Variants in VPS13B observed in about 807,000 individuals in gnomAD.
VPS13B encodes the protein vacuolar protein sorting 13 homolog B.
In VPS13B, 285 loss-of-function variants were observed where a neutral mutation model predicts 426.4. The observed-to-expected ratio is 0.67, with a 90% CI of 0.61 to 0.74. The LOEUF is 0.74. Ranked by LOEUF, VPS13B falls within the 30% of genes least tolerant of loss-of-function variation. The pLI is 0.00. For synonymous variants in VPS13B, 1,676 were observed against 1,676.4 expected (o/e 1.00, Z 0.01); for missense variants, 4,537 against 4,782.6 (o/e 0.95, Z 1.51).
chr8:99,618,428 T>C (rs761200554), intron 33 of VPS13B, among the ~76,000 whole-genome samples: 3 of 152,182 alleles, frequency 2.0e-5, no homozygotes, highest in Non-Finnish European at 4.4e-5. Flanking sequence ...TGAATCCTAG[T>C]TAATTGCATT....
rs552041740 is a variant in VPS13B, at chr8:99,233,076, C to T, written c.2515+40019C>T. The T allele has an allele frequency of 1.9e-5, 26 of 1,339,696 alleles. No individual in the cohort carries two copies. The South Asian group carries it at 2.9e-4, about 15-fold the overall frequency. The allele number at this position is 1,339,696 out of a possible 1,614,324, so 83.0% of individuals were successfully genotyped here. A position where few individuals can be genotyped will look rare whatever the true frequency, so the allele number is the denominator to read the frequency against. On this transcript the variant is annotated intron_variant, in intron 17 of 61. Coordinates refer to ENST00000357162, the MANE Select transcript of VPS13B (RefSeq NM_152564.5). Reference sequence around the variant, plus strand: ...ACTTGCTGCGCTGTGAGGCGACTCCCTGAGGGTATTTCTACTCCTGCTGCT... The same window carrying T: ...ACTTGCTGCGCTGTGAGGCGACTCCTTGAGGGTATTTCTACTCCTGCTGCT...
intron 23 of VPS13B, among the ~76,000 whole-genome samples, chr8:99,455,687 C>T (rs1403216403): frequency 6.6e-6 from 1 of 152,072 alleles, no homozygotes; most frequent in Non-Finnish European, 1.5e-5. Flanking sequence ...ATAAATTTGC[C>T]TTTTCTGGAC....
chr8:99,785,719 A>C (rs1303578099), intron 43 of VPS13B, among the ~76,000 whole-genome samples: 4 of 152,138 alleles, frequency 2.6e-5, no homozygotes, highest in Admixed American at 2.0e-4. Context: ...TATGGACTAC[A>C]AAAGTGAGAG....
At chr8:99,802,025 C>T (rs1366389545) in intron 43 of VPS13B, among the ~76,000 whole-genome samples, 1 of 151,990 alleles carries the variant, frequency 6.6e-6, no homozygotes, top group Non-Finnish European at 1.5e-5. Context: ...TGGTGCATGC[C>T]TGTAGTCCCA....
intron 22 of VPS13B, among the ~76,000 whole-genome samples, chr8:99,441,293 A>G (rs1817665239): frequency 6.6e-6 from 1 of 152,098 alleles, no homozygotes; most frequent in Admixed American, 6.6e-5. Context: ...GGAATTCCAA[A>G]CCTGTTAAAT....
chr8:99,274,322 C>T lies in VPS13B; in HGVS notation c.2640C>T (p.Ala880=), dbSNP rs768556981. Residue 880 remains alanine, a synonymous_variant, in exon 18 of 62, where the codon GCC becomes GCT. Transcript: ENST00000357162. The part of the protein sequence containing the change: ...SGTMGSIKIC[A]KAPVDSGKEK... ...CCATGGGATCAATAAAAATTTGTGC[C>T]AAAGCCCCAGGTATGTGCAGCTGGA... The T allele has an allele frequency of 1.2e-6, 2 of 1,613,984 alleles. No homozygotes were observed. Among genetic ancestry groups the T allele is most frequent in the South Asian group, 1.1e-5 (1 of 91,074 alleles).
At chr8:99,071,293 T>A (rs1189892565) in intron 3 of VPS13B, among the ~76,000 whole-genome samples, 1 of 152,220 alleles carries the variant, frequency 6.6e-6, no homozygotes, top group Non-Finnish European at 1.5e-5. Context: ...CTTTGGTTGC[T>A]GCAGCTGTAT....
chr8:99,740,762 C>A (rs1000458508), intron 39 of VPS13B, among the ~76,000 whole-genome samples: 1 of 152,124 alleles, frequency 6.6e-6, no homozygotes, highest in Non-Finnish European at 1.5e-5. Flanking sequence ...ACTATACAGA[C>A]AAGCAAATGC....
At chr8:99,680,691 T>C (rs1235294273) in intron 35 of VPS13B, among the ~76,000 whole-genome samples, 1 of 152,308 alleles carries the variant, frequency 6.6e-6, no homozygotes, top group Admixed American at 6.5e-5. Context: ...ATCAAAACTT[T>C]GAAAATAATC....
chr8:99,515,904 T>C (rs1822043029), intron 29 of VPS13B, among the ~76,000 whole-genome samples: 1 of 152,212 alleles, frequency 6.6e-6, no homozygotes, highest in Non-Finnish European at 1.5e-5. Context: ...TTTTCCTTAT[T>C]AATTAATACA....
At chr8:99,488,012 T>C (rs1445968163) in intron 25 of VPS13B, among the ~76,000 whole-genome samples, 1 of 152,172 alleles carries the variant, frequency 6.6e-6, no homozygotes, top group African/African-American at 2.4e-5. Flanking sequence ...TTAAAACTCA[T>C]GTAGTACTAG....
intron 54 of VPS13B, among the ~76,000 whole-genome samples, chr8:99,845,685 A>G (rs1478504935): frequency 6.6e-6 from 1 of 152,234 alleles, no homozygotes; most frequent in Non-Finnish European, 1.5e-5. Flanking sequence ...ACACAAGGGC[A>G]TGGATACTGG....
chr8:99,426,934 A>C (rs1430879226), intron 21 of VPS13B, among the ~76,000 whole-genome samples: 1 of 28,038 alleles, frequency 3.6e-5, no homozygotes, highest in Non-Finnish European at 6.2e-5. Flanking sequence ...CCCATTTGTC[A>C]ATTTTGGCTT....
At chr8:99,053,081 A>T (rs936519077) in intron 3 of VPS13B, among the ~76,000 whole-genome samples, 1 of 151,296 alleles carries the variant, frequency 6.6e-6, no homozygotes, top group African/African-American at 2.4e-5. Context: ...CTAGCTTTTG[A>T]ATGTGTTTGC....
chr8:99,570,625 A>G (rs964514562), intron 31 of VPS13B, among the ~76,000 whole-genome samples: 2 of 151,646 alleles, frequency 1.3e-5, no homozygotes, highest in Admixed American at 1.3e-4. Context: ...TTTTTATTGT[A>G]ATTTAGTATC....
At chr8:99,029,549 A>G (rs184887923) in intron 2 of VPS13B, among the ~76,000 whole-genome samples, 4,991 of 152,120 alleles carry the variant, frequency 0.033, 124 homozygotes, top group Non-Finnish European at 0.049. Context: ...AGGCTGGTGG[A>G]TCACTCGCGG....
In VPS13B at chr8:99,853,489, C is replaced by T; in HGVS notation, c.10100C>T (p.Thr3367Ile). 1 of 1,614,190 alleles carries T rather than the reference C, an allele frequency of 6.2e-7. No individual in the cohort carries two copies. The highest frequency in any genetic ancestry group is 8.5e-7 in the Non-Finnish European group (1 of 1,180,036). ...ATTGTTACATTTAAAATGTTCATCA[C>T]TCAGTTAAGCCTGGCAGTGTTTGAT... The part of the protein sequence containing the change: ...EKIVTFKMFI[T>I]QLSLAVFDDL... Residue 3367 changes from threonine (T) to isoleucine (I), a missense_variant, in exon 56 of 62, where the codon ACT becomes ATT. Thr to Ile is a moderately conservative substitution (Grantham distance 89, BLOSUM62 -1). Around this residue, in one of 2 missense-constraint regions of VPS13B, gnomAD observed 4,311 missense variants for 4,474.3 expected, o/e 0.96. Transcript: ENST00000357162.
At chr8:99,659,573 C>G (rs915012006) in intron 34 of VPS13B, among the ~76,000 whole-genome samples, 5 of 152,176 alleles carry the variant, frequency 3.3e-5, no homozygotes, top group Admixed American at 3.3e-4. Context: ...TACTTGGAAT[C>G]TATTTCTAGA....
intron 43 of VPS13B, among the ~76,000 whole-genome samples, chr8:99,797,632 C>T (rs1364761300): frequency 1.3e-5 from 2 of 152,120 alleles, no homozygotes; most frequent in Admixed American, 6.6e-5. Flanking sequence ...CTCCCCTTTT[C>T]CCATTCCTGC....
Sources: allele counts gnomAD v4.1 joint callset (sites outside exome capture counted in the v4.1 genomes callset), GRCh38; gene constraint gnomAD v4.1.1; regional missense constraint gnomAD v4.1.1; transcripts MANE v1.5; gene names NCBI Gene and HGNC (gene_info 2026-07-23, HGNC 2026-07-21).